The following SCARA3 variants were observed in gnomAD, a reference collection of about 807,000 sequenced individuals.
The protein encoded by SCARA3 is cellular stress response gene protein.
Under a neutral mutation model 47.0 loss-of-function variants are expected in SCARA3, and 39 were observed. The ratio of observed to expected loss-of-function variants is 0.83; its 90% CI spans 0.64 to 1.08. SCARA3 has a LOEUF of 1.08. Ranked by LOEUF, SCARA3 falls within the 50% of genes least tolerant of loss-of-function variation. SCARA3 has a pLI of 0.00. For synonymous variants in SCARA3, 356 were observed against 334.1 expected, an observed-to-expected ratio of 1.07 and a Z score of -0.71; for missense variants, 724 against 792.3, an observed-to-expected ratio of 0.91 and a Z score of 1.04.
At chr8:27,677,887 C>A (rs775937354), downstream of SCARA3, among the ~76,000 whole-genome samples, 7 of 152,092 alleles carry the variant, frequency 4.6e-5, no homozygotes, top group Non-Finnish European at 7.4e-5. Context: ...GAAATAAGCA[C>A]AGAAAGATAT....
chr8:27,651,056 G>T (rs977600129), intron 2 of SCARA3, among the ~76,000 whole-genome samples: 1 of 152,176 alleles, frequency 6.6e-6, no homozygotes, highest in African/African-American at 2.4e-5. Context: ...GACAATCTTA[G>T]CAAACCAGGA....
chr8:27,634,320 C>A, intron 1 of SCARA3, 113 bp downstream of exon 1: 1 of 989,904 alleles, frequency 1.0e-6, no homozygotes, highest in South Asian at 4.3e-5. Context: ...GGCAGGGCGC[C>A]TCTGGCTTTT....
At chr8:27,691,965 AC>A in the SCARA3 span, among the ~76,000 whole-genome samples, 1 of 151,408 alleles carries the variant, frequency 6.6e-6, no homozygotes, top group Non-Finnish European at 1.5e-5. Flanking sequence ...AAAGTTCCAA[AC>A]CCCCCAAACA....
the SCARA3 span, among the ~76,000 whole-genome samples, chr8:27,729,118 G>A: frequency 6.6e-6 from 1 of 152,150 alleles, no homozygotes; most frequent in Non-Finnish European, 1.5e-5. Flanking sequence ...CATGGAATCT[G>A]ATCTGTTCAT....
chr8:27,673,892 A>T (rs1389790971), downstream of SCARA3, among the ~76,000 whole-genome samples: 2 of 151,930 alleles, frequency 1.3e-5, no homozygotes, highest in Admixed American at 6.6e-5. Flanking sequence ...GACCTGGGGG[A>T]GTCTGAGGCT....
intron 1 of SCARA3, among the ~76,000 whole-genome samples, chr8:27,638,949 C>T (rs1801321780): frequency 6.6e-6 from 1 of 152,122 alleles, no homozygotes; most frequent in South Asian, 2.1e-4. Flanking sequence ...GCACCCGTTC[C>T]CTGAACAATC....
the SCARA3 span, among the ~76,000 whole-genome samples, chr8:27,715,804 G>C: frequency 6.7e-6 from 1 of 149,408 alleles, no homozygotes; most frequent in Non-Finnish European, 1.5e-5. The surrounding 1 kb of genome is among the most constrained non-coding windows in gnomAD (Gnocchi z 4.2). Flanking sequence ...ATAGATGACA[G>C]ATATAGATAG....
chr8:27,639,843 G>T (rs2128914841), intron 1 of SCARA3, among the ~76,000 whole-genome samples: 1 of 152,298 alleles, frequency 6.6e-6, no homozygotes, highest in Middle Eastern at 3.4e-3. Flanking sequence ...GGGAGGAAAT[G>T]ACCCACCGCG....
At chr8:27,646,695 A>G (rs1328706484) in intron 1 of SCARA3, among the ~76,000 whole-genome samples, 1 of 152,146 alleles carries the variant, frequency 6.6e-6, no homozygotes, top group African/African-American at 2.4e-5. Context: ...GTGAGAGGCC[A>G]TGGCTACTAG....
rs1176305533 is a variant in SCARA3, at chr8:27,634,257, C to G, written c.7+50C>G. 3.8e-6 allele frequency: 5 copies of G among 1,313,504 alleles called. No individual in the cohort carries two copies. The East Asian group carries it at 8.6e-5, about 22-fold the overall frequency. The allele number at this position is 1,313,504 out of a possible 1,614,324, so 81.4% of individuals were successfully genotyped here. A position where few individuals can be genotyped will look rare whatever the true frequency, so the allele number is the denominator to read the frequency against. On this transcript the variant is annotated intron_variant, in intron 1 of 5. Coordinates refer to ENST00000301904, the MANE Select transcript of SCARA3 (RefSeq NM_016240.3). ...CTCCGAGGGGGGCCGCCTGCACCCC[C>G]GCTCCACCCAGGGCCTGGGGGGCGC...
chr8:27,712,869 G>GAA, the SCARA3 span, among the ~76,000 whole-genome samples: 1 of 149,246 alleles, frequency 6.7e-6, no homozygotes, highest in Admixed American at 6.7e-5. Context: ...TTTTAGTTTT[G>GAA]AAAAAAAAAC....
chr8:27,692,674 T>TA, the SCARA3 span, among the ~76,000 whole-genome samples: 1 of 151,812 alleles, frequency 6.6e-6, no homozygotes, highest in Non-Finnish European at 1.5e-5. Context: ...TAAGCCTGAT[T>TA]AAAAAAAATT....
At chr8:27,687,313 T>G in the SCARA3 span, among the ~76,000 whole-genome samples, 5 of 152,102 alleles carry the variant, frequency 3.3e-5, no homozygotes, top group African/African-American at 1.2e-4. Flanking sequence ...CATAAGAAAG[T>G]AGAGACACAG....
At chr8:27,688,134 C>G in the SCARA3 span, among the ~76,000 whole-genome samples, 2 of 152,058 alleles carry the variant, frequency 1.3e-5, no homozygotes, top group Admixed American at 1.3e-4. Flanking sequence ...TTCAACTATT[C>G]AAAAATATTT....
At chr8:27,639,657 G>A (rs928690462) in intron 1 of SCARA3, among the ~76,000 whole-genome samples, 2 of 152,176 alleles carry the variant, frequency 1.3e-5, no homozygotes, top group African/African-American at 4.8e-5. Flanking sequence ...AGGCCTATTT[G>A]CCACTTGCCC....
the SCARA3 span, among the ~76,000 whole-genome samples, chr8:27,730,505 T>TA: frequency 6.7e-6 from 1 of 150,104 alleles, no homozygotes; most frequent in African/African-American, 2.5e-5. Context: ...TTTTTTTTTT[T>TA]AATCGGGTCT....
chr8:27,695,016 T>C, the SCARA3 span, among the ~76,000 whole-genome samples: 3 of 152,050 alleles, frequency 2.0e-5, no homozygotes, highest in African/African-American at 7.3e-5. Flanking sequence ...TCGTGTAGGA[T>C]TACCAGAGAG....
chr8:27,726,314 G>A, the SCARA3 span, among the ~76,000 whole-genome samples: 1 of 152,214 alleles, frequency 6.6e-6, no homozygotes, highest in Non-Finnish European at 1.5e-5. Context: ...GCTGAGGTGG[G>A]AGGATTGTTT....
At chr8:27,709,352 G>A in the SCARA3 span, among the ~76,000 whole-genome samples, 1 of 152,182 alleles carries the variant, frequency 6.6e-6, no homozygotes, top group Admixed American at 6.5e-5. Context: ...TCCTTGACCG[G>A]GCCAGGAAGA....
Sources: gnomAD v4.1 joint callset for allele counts (sites outside exome capture counted in the v4.1 genomes callset) on GRCh38, gnomAD v4.1.1 for gene constraint, Gnocchi (gnomAD v3.1) non-coding constraint, MANE v1.5 for transcripts, NCBI Gene and HGNC (gene_info 2026-07-23, HGNC 2026-07-21) for gene names.